NEK11: variants seen among roughly 807,000 people sequenced by gnomAD.
The protein encoded by NEK11 is NIMA related kinase 11.
NEK11 carries 72 observed loss-of-function variants against 80.7 expected under a neutral mutation model. The observed-to-expected ratio is 0.89, with a 90% confidence interval of 0.74 to 1.08. The LOEUF is 1.08. Ranked by LOEUF, NEK11 falls within the 50% of genes least tolerant of loss-of-function variation. The probability of loss-of-function intolerance (pLI) is 0.00; values close to 1 mark genes in which losing one functional copy is unlikely to be tolerated. For missense variants in NEK11, 764 were observed against 763.6 expected (o/e 1.00, Z -0.01); for synonymous variants, 251 against 260.7 (o/e 0.96, Z 0.36).
chr3:131,203,805 A>G (rs1225664673), intron 14 of NEK11, among the ~76,000 whole-genome samples: 2,792 of 35,842 alleles, frequency 0.078, 266 homozygotes, highest in African/African-American at 0.23. Context: ...ATATATATAT[A>G]TATATATATA....
rs548566077 is a variant in NEK11, at chr3:131,338,276, T to TG, written c.1719-11281_1719-11280insG. 7.7e-3 allele frequency among the ~76,000 whole-genome samples: 1,143 copies of TG among 148,026 alleles called. 24 individuals are homozygous for TG. Among genetic ancestry groups the TG allele is most frequent in the African/African-American group, 0.027 (1,066 of 39,928 alleles). On this transcript the variant is annotated intron_variant, in intron 17 of 17. Transcript: ENST00000383366. ...CACGGCGCCCAGCTGGTTTTTTTTTTTTTTTTTTTTTTTTTAATACTAAGT... is the reference window on the plus strand; with the variant it reads ...CACGGCGCCCAGCTGGTTTTTTTTTTGTTTTTTTTTTTTTTTAATACTAAGT...
chr3:131,100,123 G>A (rs1438712403), intron 4 of NEK11, among the ~76,000 whole-genome samples: 1 of 152,150 alleles, frequency 6.6e-6, no homozygotes, highest in Non-Finnish European at 1.5e-5. Context: ...TTATTTTGAG[G>A]TATGTTCCTT....
At chr3:131,283,560 TG>T (rs1460132925) in intron 17 of NEK11, among the ~76,000 whole-genome samples, 2 of 151,782 alleles carry the variant, frequency 1.3e-5, no homozygotes, top group Non-Finnish European at 2.9e-5. Flanking sequence ...ATCACTAGAA[TG>T]TACTATTTTA....
intron 3 of NEK11, among the ~76,000 whole-genome samples, chr3:131,049,662 A>G (rs1040988025): frequency 1.3e-5 from 2 of 152,216 alleles, no homozygotes; most frequent in African/African-American, 2.4e-5. Context: ...ATCTATTTCA[A>G]GAGTTTGTCA....
chr3:131,127,377 A>G (rs182940959), intron 5 of NEK11, among the ~76,000 whole-genome samples: 10 of 151,960 alleles, frequency 6.6e-5, no homozygotes, highest in African/African-American at 2.4e-4. Flanking sequence ...TTGATTTCAA[A>G]CATATGCACT....
At chr3:131,093,360 A>G (rs756850017) in intron 4 of NEK11, among the ~76,000 whole-genome samples, 2 of 152,162 alleles carry the variant, frequency 1.3e-5, no homozygotes, top group South Asian at 2.1e-4. Flanking sequence ...TTTTCCTACT[A>G]TTAGATTTAA....
intron 16 of NEK11, among the ~76,000 whole-genome samples, chr3:131,248,826 A>G (rs1010994956): frequency 9.9e-5 from 15 of 152,162 alleles, no homozygotes; most frequent in African/African-American, 3.1e-4. Context: ...AAATATTTTT[A>G]GGAGAAATTA....
At chr3:131,135,148 G>T (rs780319774) in intron 7 of NEK11, among the ~76,000 whole-genome samples, 1 of 152,288 alleles carries the variant, frequency 6.6e-6, no homozygotes, top group South Asian at 2.1e-4. Context: ...TTTCACAAGG[G>T]TCATTATCTG....
intron 4 of NEK11, chr3:131,093,048 A>G (rs1327875108): frequency 6.6e-6 from 1 of 152,186 alleles, no homozygotes; most frequent in African/African-American, 2.4e-5. Flanking sequence ...CTTATTTTCC[A>G]CTTGAGACAA....
At chr3:131,115,911 TTTCTTTCTTTCTTTCTTTCTTTC>T (rs2080975280) in intron 5 of NEK11, among the ~76,000 whole-genome samples, 2 of 47,590 alleles carry the variant, frequency 4.2e-5, no homozygotes, top group Non-Finnish European at 8.5e-5. Context: ...GTTTTCTTTC[TTTCTTTCTTTCTTTCTTTCTTTC>T]TTTCTTTCTT....
At chr3:131,336,329 C>A in intron 17 of NEK11, among the ~76,000 whole-genome samples, 1 of 152,202 alleles carries the variant, frequency 6.6e-6, no homozygotes, top group East Asian at 1.9e-4. Flanking sequence ...CTACAACTAT[C>A]TGATCTTTGA....
intron 17 of NEK11, among the ~76,000 whole-genome samples, chr3:131,288,450 C>CTTTCTTTCTTTCTTTTTTT (rs536834704): frequency 3.5e-5 from 4 of 115,388 alleles, no homozygotes; most frequent in Non-Finnish European, 7.3e-5. Context: ...TTCTTTCTTT[C>CTTTCTTTCTTTCTTTTTTT]TTTTTTTTTT....
At chr3:131,328,852 C>T (rs975104668) in intron 17 of NEK11, 1 of 152,206 alleles carries the variant, frequency 6.6e-6, no homozygotes, top group Non-Finnish European at 1.5e-5. Context: ...ACTTACATGG[C>T]AGACGGTGGC....
intron 12 of NEK11, 51 bp downstream of exon 12, chr3:131,165,570 A>C (rs1486733183): frequency 1.1e-5 from 12 of 1,121,510 alleles, no homozygotes; most frequent in African/African-American, 1.6e-5. Context: ...CTTGCTTTAG[A>C]TTCATGGCGA....
In NEK11 at chr3:131,168,078, T is replaced by C. The variant is rs1433986859; in HGVS notation, c.1177-752T>C. ...GGCCCACAGACTGGATGGCTCAGCA[T>C]CGCCAGGCATCCTGCCCTCTTTTGT... On this transcript the variant is annotated intron_variant, in intron 12 of 17. Transcript: ENST00000383366. Among the ~76,000 whole-genome samples the C allele has an allele frequency of 2.6e-5, 4 of 152,216 alleles. No homozygotes were observed. The East Asian group carries it at 7.7e-4, about 29-fold the overall frequency.
At chr3:131,202,905 C>T (rs1004727074) in intron 14 of NEK11, among the ~76,000 whole-genome samples, 6 of 152,138 alleles carry the variant, frequency 3.9e-5, no homozygotes, top group Non-Finnish European at 1.5e-5. Flanking sequence ...GTTAGAATGG[C>T]AATCATTAAA....
chr3:131,272,056 C>T (rs905076301), intron 16 of NEK11, among the ~76,000 whole-genome samples: 28 of 152,110 alleles, frequency 1.8e-4, no homozygotes, highest in African/African-American at 4.6e-4. Context: ...GCCGAGATCA[C>T]GCCATTGCAT....
chr3:131,042,128 C>T (rs2066595092), intron 3 of NEK11, among the ~76,000 whole-genome samples: 2 of 152,246 alleles, frequency 1.3e-5, no homozygotes, highest in Non-Finnish European at 2.9e-5. Context: ...CAGGGGCCTA[C>T]ACCACAAGCG....
Position 131,170,843 on chromosome 3 carries a change from T to G in NEK11, c.1355T>G (p.Leu452Arg). The G allele has an allele frequency of 6.2e-7, 1 of 1,614,106 alleles. No individual in the cohort carries two copies. Among genetic ancestry groups the G allele is most frequent in the African/African-American group, 1.3e-5 (1 of 75,062 alleles). Residue 452 changes from leucine to arginine, a missense_variant, in exon 14 of 18, where the codon CTT becomes CGT. Transcript: ENST00000383366. ...QPIPSMDLHE[L>R]ESIVEDATSD... Reference sequence around the variant, plus strand: ...ATTCCTTCCATGGACCTCCACGAACTTGAATCAATTGTAGAGGATGCCACA... The same window carrying G: ...ATTCCTTCCATGGACCTCCACGAACGTGAATCAATTGTAGAGGATGCCACA...
Sources: allele counts gnomAD v4.1 joint callset (sites outside exome capture counted in the v4.1 genomes callset), GRCh38; gene constraint gnomAD v4.1.1; transcripts MANE v1.5; gene names NCBI Gene and HGNC (gene_info 2026-07-23, HGNC 2026-07-21).